The following FXYD3 variants were observed in gnomAD, a reference collection of about 807,000 sequenced individuals.
FXYD3 encodes the protein FXYD domain-containing ion transport regulator 3.
In FXYD3, 13 loss-of-function variants were observed where a neutral mutation model predicts 19.2. The ratio of observed to expected loss-of-function variants is 0.68; its 90% CI spans 0.44 to 1.08. The LOEUF (loss-of-function observed/expected upper bound fraction) is 1.08, where lower values mean the gene tolerates loss of function less well. Among genes scored for constraint, FXYD3 ranks in the 50% least tolerant of loss-of-function variants. The pLI is 0.00. For missense variants in FXYD3, 101 were observed against 109.4 expected (o/e 0.92, Z 0.34); for synonymous variants, 48 against 38.9 (o/e 1.23, Z -0.87).
In FXYD3 at chr19:35,119,380, C is replaced by T. The variant is rs763423896; in HGVS notation, c.4C>T (p.Gln2Ter). Reference sequence around the variant, plus strand: ...CCCTCTAGGCCAGCGCTCTGACATGCAGAAGGTGACCCTGGGCCTGCTTGT... The same window carrying T: ...CCCTCTAGGCCAGCGCTCTGACATGTAGAAGGTGACCCTGGGCCTGCTTGT... M[Q>*]KVTLGLLVFL... Residue 2 changes from glutamine to a stop codon, truncating the protein, a stop_gained, in exon 3 of 9, where the codon CAG becomes TAG. Transcript: ENST00000604404. LOFTEE classifies it high-confidence loss of function. 3.1e-6 allele frequency: 5 copies of T among 1,614,148 alleles called. No individual in the cohort carries two copies. Among genetic ancestry groups the T allele is most frequent in the South Asian group, 1.1e-5 (1 of 91,086 alleles).
chr19:35,116,594 G>A (rs758548403), intron 2 of FXYD3: 12 of 985,212 alleles, frequency 1.2e-5, no homozygotes, highest in Middle Eastern at 5.2e-4. Flanking sequence ...GGGCAGGACT[G>A]ATAAGTGTGG....
In FXYD3 at chr19:35,118,810, C is replaced by T. The variant is rs188839619; in HGVS notation, c.-14-553C>T. ...CCCCACCCCCAAGCAGCTTGAAGAA[C>T]CTGCTCAGTCCTCAGCCTGAAGTCT... On this transcript the variant is annotated intron_variant, in intron 2 of 8. Coordinates refer to ENST00000604404, the MANE Select transcript of FXYD3 (RefSeq NM_005971.4). Among the ~76,000 whole-genome samples the T allele has an allele frequency of 1.7e-4, 26 of 152,296 alleles. No individual in the cohort carries two copies. The East Asian group carries it at 5.0e-3, about 29-fold the overall frequency.
rs542983666 is a variant in FXYD3 at position 35,119,657 on chromosome 19, TTTTTTG to T, written c.40+272_40+277del. On this transcript the variant is annotated intron_variant, in intron 3 of 8. Coordinates refer to ENST00000604404, the MANE Select transcript of FXYD3 (RefSeq NM_005971.4). ...CTCGATCTCTTCTTTTTTTTTGGCTTTTTTTGTTTTTGTTTTTGTTTTTGTTTTTGT... is the reference window on the plus strand; with the variant it reads ...CTCGATCTCTTCTTTTTTTTTGGCTTTTTTTGTTTTTGTTTTTGTTTTTGT... 89 of 463,774 alleles carry T rather than the reference TTTTTTG, an allele frequency of 1.9e-4. No individual in the cohort carries two copies. The African/African-American group carries it at 2.1e-3, about 11-fold the overall frequency. 28.7% of individuals were successfully genotyped at this position (463,774 alleles called of 1,614,324 possible).
rs947936756 is a variant in FXYD3, at chr19:35,122,833, G to T, written c.166G>T (p.Val56Phe). The T allele has an allele frequency of 2.5e-6, 4 of 1,613,806 alleles. No individual in the cohort carries two copies. The highest frequency in any genetic ancestry group is 2.7e-5 in the African/African-American group (2 of 74,916). Residue 56 changes from valine to phenylalanine, a missense_variant, in exon 6 of 9, where the codon GTC (valine) becomes TTC (phenylalanine). Transcript: ENST00000604404. ...TCTGTGCGCCATGGGCATCATCATC[G>T]TCATGAGTGAGTGGAGGAGCTCGGG... is the stretch of plus-strand genomic sequence containing the variant. The part of the protein sequence containing the change: ...GVLCAMGIII[V>F]MSAKCKCKFG...
intron 3 of FXYD3, among the ~76,000 whole-genome samples, chr19:35,120,683 G>A (rs1032935158): frequency 3.9e-5 from 6 of 152,300 alleles, no homozygotes; most frequent in African/African-American, 1.4e-4. Context: ...TGGTGGAAGC[G>A]GGAGGATGGG....
At chr19:35,121,666 C>A in intron 5 of FXYD3, 1 of 465,248 alleles carries the variant, frequency 2.1e-6, no homozygotes, top group Non-Finnish European at 3.2e-6. Context: ...CCAAGCCTCT[C>A]AGACACAGCA....
intron 1 of FXYD3, 88 bp from the exon 2 acceptor site, chr19:35,116,176 G>A: frequency 1.0e-6 from 1 of 981,386 alleles, no homozygotes; most frequent in Non-Finnish European, 1.2e-6. Context: ...TGCCGCCCAT[G>A]GCTGGGGAGG....
rs1600457332 is a variant in FXYD3 at position 35,122,558 on chromosome 19, C to T, written c.98-207C>T. ...ACCCCACTTATTTTTCTTCAAACCA[C>T]TTATCTCTGCCTGACCCTGCACGAC... On this transcript the variant is annotated intron_variant, in intron 5 of 8. Transcript: ENST00000604404. 2.2e-5 allele frequency: 13 copies of T among 580,038 alleles called. No homozygotes were observed. In the East Asian group the frequency reaches 3.6e-4, roughly 16 times the overall value. 35.9% of individuals were successfully genotyped at this position (580,038 alleles called of 1,614,324 possible). A position where few individuals can be genotyped will look rare whatever the true frequency, so the allele number is the denominator to read the frequency against.
chr19:35,117,852 G>GT (rs1568383246), intron 2 of FXYD3, among the ~76,000 whole-genome samples: 2 of 364 alleles, frequency 5.5e-3, no homozygotes, highest in Admixed American at 0.036. Flanking sequence ...GCCCTGGGGT[G>GT]CCAGGCAGAG....
In FXYD3 at chr19:35,119,158, C is replaced by G. The variant is rs1393445469; in HGVS notation, c.-14-205C>G. 3 of 1,549,418 alleles carry G rather than the reference C, an allele frequency of 1.9e-6. No homozygotes were observed. In the East Asian group the frequency reaches 7.3e-5, roughly 38 times the overall value. ...TGTCCAGTGAGTTATTATGGCTCCT[C>G]CCGCCTCAGGCCCGAGTTTCACCCA... On this transcript the variant is annotated intron_variant, in intron 2 of 8. Transcript: ENST00000604404.
chr19:35,121,156 C>G (rs766863319), intron 4 of FXYD3, 46 bp downstream of exon 4: 20 of 1,614,122 alleles, frequency 1.2e-5, no homozygotes, highest in Non-Finnish European at 1.5e-5. Flanking sequence ...AAATTCTCCC[C>G]TGGGTGGGGA....
intron 2 of FXYD3, among the ~76,000 whole-genome samples, chr19:35,118,786 C>T (rs1164581040): frequency 6.6e-6 from 1 of 152,158 alleles, no homozygotes; most frequent in Non-Finnish European, 1.5e-5. Context: ...CACACACCAC[C>T]CCACCCCCAA....
Position 35,123,059 on chromosome 19 carries a change from A to C in FXYD3, c.209+105A>C, listed in dbSNP as rs369867603. ...GAGGCCTCGGGGCTCTGCCCTTTAG[A>C]GTTCCTGCCGCTAAGATTTCCAGGT... On this transcript the variant is annotated intron_variant, in intron 7 of 8. Coordinates refer to ENST00000604404, the MANE Select transcript of FXYD3 (RefSeq NM_005971.4). The C allele has an allele frequency of 4.8e-5, 71 of 1,466,356 alleles. 3 individuals carry two copies. The African/African-American group carries it at 9.4e-4, about 19-fold the overall frequency. 90.8% of individuals were successfully genotyped at this position (1,466,356 alleles called of 1,614,324 possible). A position where few individuals can be genotyped will look rare whatever the true frequency, so the allele number is the denominator to read the frequency against.
At position 35,121,253 on chromosome 19, in the gene FXYD3, C is replaced by A; in HGVS notation, c.97+8C>A. Reference sequence around the variant, plus strand: ...ACAGTCCTTTCTACTATGGTGAGAGCCCGTGCCCCCTTTCCCCTCCCCACA... The same window carrying A: ...ACAGTCCTTTCTACTATGGTGAGAGACCGTGCCCCCTTTCCCCTCCCCACA... On this transcript the variant is annotated splice_region_variant and intron_variant, in intron 5 of 8. Coordinates refer to ENST00000604404, the MANE Select transcript of FXYD3 (RefSeq NM_005971.4). The A allele has an allele frequency of 6.2e-7, 1 of 1,613,782 alleles. No individual in the cohort carries two copies. The highest frequency in any genetic ancestry group is 8.5e-7 in the Non-Finnish European group (1 of 1,179,676).
chr19:35,118,319 G>A (rs2064947636), intron 2 of FXYD3: 1 of 252,464 alleles, frequency 4.0e-6, no homozygotes, highest in Non-Finnish European at 6.0e-6. Context: ...TTATGCCATT[G>A]CACTCCAGCC....
chr19:35,120,056 T>G (rs10414555), intron 3 of FXYD3, among the ~76,000 whole-genome samples: 68,667 of 151,754 alleles, frequency 0.45, 16,158 homozygotes, highest in South Asian at 0.62. Flanking sequence ...ATAACTGCCC[T>G]GCCAGTTCTC....
In FXYD3 at chr19:35,121,255, CG is replaced by C; in HGVS notation, c.97+11del. On this transcript the variant is annotated intron_variant, in intron 5 of 8. Transcript: ENST00000604404. ...AGTCCTTTCTACTATGGTGAGAGCC[CG>C]TGCCCCCTTTCCCCTCCCCACAACC... 1.2e-6 allele frequency: 2 copies of C among 1,613,734 alleles called. No homozygotes were observed. The highest frequency in any genetic ancestry group is 1.3e-5 in the African/African-American group (1 of 74,958).
At chr19:35,119,651 T>TG in intron 3 of FXYD3, 1 of 481,048 alleles carries the variant, frequency 2.1e-6, no homozygotes, top group Non-Finnish European at 3.6e-6. Context: ...TTCTTTTTTT[T>TG]TGGCTTTTTT....
chr19:35,116,824 G>T (rs891147176), intron 2 of FXYD3: 3 of 985,398 alleles, frequency 3.0e-6, no homozygotes, highest in Non-Finnish European at 3.6e-6. Flanking sequence ...GGGTGGACTC[G>T]GGGTGTCCAG....
Sources: gnomAD v4.1 joint callset for allele counts (sites outside exome capture counted in the v4.1 genomes callset) on GRCh38, gnomAD v4.1.1 for gene constraint, MANE v1.5 for transcripts, NCBI Gene and HGNC (gene_info 2026-07-23, HGNC 2026-07-21) for gene names.